The following TAFA5 variants were observed in gnomAD, a reference collection of about 807,000 sequenced individuals.
The protein encoded by TAFA5 is TAFA chemokine like family member 5.
Under a neutral mutation model 15.3 loss-of-function variants are expected in TAFA5, and 6 were observed. The ratio of observed to expected loss-of-function variants is 0.39; its 90% CI spans 0.21 to 0.77. TAFA5 has a LOEUF of 0.77. Ranked by LOEUF, TAFA5 falls within the 30% of genes least tolerant of loss-of-function variation. The pLI is 0.41. For synonymous variants in TAFA5, 103 were observed against 80.7 expected, an observed-to-expected ratio of 1.28 and a Z score of -1.48; for missense variants, 161 against 193.1, an observed-to-expected ratio of 0.83 and a Z score of 0.98.
chr22:48,594,597 A>G lies in TAFA5; in HGVS notation c.113-52000A>G, dbSNP rs1924694345. Among the ~76,000 whole-genome samples the G allele has an allele frequency of 2.0e-5, 3 of 152,284 alleles. No homozygotes were observed. The South Asian group carries it at 6.2e-4, about 32-fold the overall frequency. ...CCGGTGTGATGATCCCCATAGGCTCATGCTCCCGTCGGCTGCCAGCCATCT... is the reference window on the plus strand; with the variant it reads ...CCGGTGTGATGATCCCCATAGGCTCGTGCTCCCGTCGGCTGCCAGCCATCT... On this transcript the variant is annotated intron_variant, in intron 1 of 3. Coordinates refer to ENST00000402357, the MANE Select transcript of TAFA5 (RefSeq NM_001082967.3).
Position 48,546,605 on chromosome 22 carries a change from T to C in TAFA5, c.112+56901T>C, listed in dbSNP as rs200240294. On this transcript the variant is annotated intron_variant, in intron 1 of 3. Coordinates refer to ENST00000402357, the MANE Select transcript of TAFA5 (RefSeq NM_001082967.3). ...GCATCCAGCGAGCTTTGGGGAATCC[T>C]AAAAGGATCAAGAGTGCGTGAGGGC... The C allele has an allele frequency of 3.0e-5, 14 of 471,162 alleles. No homozygotes were observed. The East Asian group carries it at 9.7e-4, about 33-fold the overall frequency. The allele number at this position is 471,162 out of a possible 1,614,324, so 29.2% of individuals were successfully genotyped here. A position where few individuals can be genotyped will look rare whatever the true frequency, so the allele number is the denominator to read the frequency against.
intron 1 of TAFA5, among the ~76,000 whole-genome samples, chr22:48,531,006 C>A (rs1921951830): frequency 6.6e-6 from 1 of 152,186 alleles, no homozygotes; most frequent in Non-Finnish European, 1.5e-5. Flanking sequence ...GCCACACTCA[C>A]AGACATGCCA....
rs945619738 is a variant in TAFA5, at chr22:48,490,708, G to A, written c.112+1004G>A. ...TGTCTTCAGCGGGAGAATAGGACGG[G>A]TGCTGGGGAGCACCTGTCATGGAGA... On this transcript the variant is annotated intron_variant, in intron 1 of 3. Transcript: ENST00000402357. This position sits in a 1 kb window ranked among gnomAD's most constrained non-coding sequence, Gnocchi z 5.8. Among the ~76,000 whole-genome samples the A allele has an allele frequency of 2.0e-5, 3 of 151,204 alleles. No homozygotes were observed. Among genetic ancestry groups the A allele is most frequent in the African/African-American group, 7.3e-5 (3 of 41,008 alleles).
intron 3 of TAFA5, among the ~76,000 whole-genome samples, chr22:48,715,684 C>A (rs1186582719): frequency 6.6e-6 from 1 of 152,146 alleles, no homozygotes; most frequent in Non-Finnish European, 1.5e-5. Flanking sequence ...AAGAGGGGAG[C>A]CCAGGACTGG....
chr22:48,703,120 G>A (rs888093501), intron 2 of TAFA5, among the ~76,000 whole-genome samples: 1 of 152,168 alleles, frequency 6.6e-6, no homozygotes, highest in Non-Finnish European at 1.5e-5. Context: ...CTATAGATAC[G>A]TGTTTGTGAG....
chr22:48,717,271 C>T (rs1929429165), intron 3 of TAFA5, among the ~76,000 whole-genome samples: 1 of 152,222 alleles, frequency 6.6e-6, no homozygotes, highest in Non-Finnish European at 1.5e-5. Flanking sequence ...GCGCAGGCTG[C>T]GACTCCTGAC....
At chr22:48,731,991 G>T (rs1159573203) in intron 3 of TAFA5, among the ~76,000 whole-genome samples, 3 of 152,218 alleles carry the variant, frequency 2.0e-5, no homozygotes, top group African/African-American at 7.2e-5. Flanking sequence ...GTCATTAAGA[G>T]CATTTGTGAT....
intron 1 of TAFA5, among the ~76,000 whole-genome samples, chr22:48,611,172 C>T (rs112253455): frequency 0.11 from 17,243 of 152,142 alleles, 1,074 homozygotes; most frequent in Middle Eastern, 0.14. Flanking sequence ...TGACCTCAAG[C>T]GATCCGCCCG....
chr22:48,576,430 TG>T, intron 1 of TAFA5: 1 of 1,327,302 alleles, frequency 7.5e-7, no homozygotes. Context: ...ATGCGGCGCC[TG>T]GACCTTCGCT....
intron 2 of TAFA5, among the ~76,000 whole-genome samples, chr22:48,680,286 C>T (rs1601666614): frequency 1.3e-5 from 2 of 152,346 alleles, no homozygotes; most frequent in East Asian, 1.9e-4. Context: ...GTGCGTCCCA[C>T]GACCCAGGTT....
chr22:48,693,666 C>T (rs966569823), intron 2 of TAFA5, among the ~76,000 whole-genome samples: 2 of 152,182 alleles, frequency 1.3e-5, no homozygotes, highest in African/African-American at 2.4e-5. Context: ...CTCAGTCCCG[C>T]ACCACACCGG....
At chr22:48,716,947 T>C (rs1292650687) in intron 3 of TAFA5, among the ~76,000 whole-genome samples, 3 of 152,184 alleles carry the variant, frequency 2.0e-5, no homozygotes, top group Non-Finnish European at 2.9e-5. Flanking sequence ...AGAAAATTGA[T>C]TCAGGAGTTC....
In TAFA5 at chr22:48,688,710, G is replaced by T. The variant is rs532296545; in HGVS notation, c.263-19007G>T. Among the ~76,000 whole-genome samples, 5 of 152,330 alleles carry T rather than the reference G, an allele frequency of 3.3e-5. No individual in the cohort carries two copies. The East Asian group carries it at 9.6e-4, about 29-fold the overall frequency. On this transcript the variant is annotated intron_variant, in intron 2 of 3. Coordinates refer to ENST00000402357, the MANE Select transcript of TAFA5 (RefSeq NM_001082967.3). ...TGTCCTGATTTAACAAAAAAAGAGG[G>T]CTGGGCACAGTGGCTCATGCCTATA...
chr22:48,535,889 C>T (rs1382788040), intron 1 of TAFA5, among the ~76,000 whole-genome samples: 1 of 152,036 alleles, frequency 6.6e-6, no homozygotes, highest in East Asian at 1.9e-4. Flanking sequence ...CGTGTGTGTG[C>T]ACACAGGCTG....
In TAFA5 at chr22:48,489,875, G is replaced by A. The variant is rs1449078597; in HGVS notation, c.112+171G>A. 6.6e-6 allele frequency among the ~76,000 whole-genome samples: 1 copy of A among 151,756 alleles called. No homozygotes were observed. The highest frequency in any genetic ancestry group is 2.4e-5 in the African/African-American group (1 of 41,376). On this transcript the variant is annotated intron_variant, in intron 1 of 3. Coordinates refer to ENST00000402357, the MANE Select transcript of TAFA5 (RefSeq NM_001082967.3). The surrounding 1 kb of genome is among the most constrained non-coding windows in gnomAD (Gnocchi z 5.5). ...CAACGCTGCGCTGGGCGGGCGAGAG[G>A]GTCCACCCGGGTTCCGGGCGCTCGA...
chr22:48,738,527 GC>G lies in TAFA5; in HGVS notation c.391-11306del, dbSNP rs1398411561. On this transcript the variant is annotated intron_variant, in intron 3 of 3. Coordinates refer to ENST00000402357, the MANE Select transcript of TAFA5 (RefSeq NM_001082967.3). Reference sequence around the variant, plus strand: ...GGCCTCTCCTGACTCCTTGTACAGAGCCCCCCAGCTCAGTCCCTCCAGGACC... The same window carrying G: ...GGCCTCTCCTGACTCCTTGTACAGAGCCCCCAGCTCAGTCCCTCCAGGACC... Among the ~76,000 whole-genome samples the G allele has an allele frequency of 2.6e-5, 4 of 152,170 alleles. No homozygotes were observed. The East Asian group carries it at 7.7e-4, about 29-fold the overall frequency.
chr22:48,694,053 C>T (rs374287498), intron 2 of TAFA5, among the ~76,000 whole-genome samples: 16 of 152,296 alleles, frequency 1.1e-4, no homozygotes, highest in South Asian at 6.2e-4. Context: ...ACAGGCCACG[C>T]GGAGGCTGAC....
At chr22:48,548,704 A>T (rs1922760987) in intron 1 of TAFA5, among the ~76,000 whole-genome samples, 1 of 152,246 alleles carries the variant, frequency 6.6e-6, no homozygotes, top group South Asian at 2.1e-4. Context: ...AGGTCATGAA[A>T]ATCCCACTGG....
At chr22:48,576,839 C>T (rs1020040851) in intron 1 of TAFA5, among the ~76,000 whole-genome samples, 1 of 151,836 alleles carries the variant, frequency 6.6e-6, no homozygotes, top group African/African-American at 2.4e-5. Flanking sequence ...GGCGCCGCCC[C>T]GGATCCCCAG....
Sources: allele counts gnomAD v4.1 joint callset (sites outside exome capture counted in the v4.1 genomes callset), GRCh38; gene constraint gnomAD v4.1.1; non-coding constraint Gnocchi (gnomAD v3.1); transcripts MANE v1.5; gene names NCBI Gene and HGNC (gene_info 2026-07-23, HGNC 2026-07-21).